Variants in MYO5A observed in about 807,000 individuals in gnomAD.
The protein encoded by MYO5A is myosin VA.
Under a neutral mutation model 249.7 loss-of-function variants are expected in MYO5A, and 98 were observed. The observed-to-expected ratio is 0.39, with a 90% CI of 0.33 to 0.46. The LOEUF is 0.46. MYO5A is among the 20% of genes least tolerant of loss of function. MYO5A has a pLI of 0.98. For missense variants in MYO5A, 1,696 were observed against 2,308.8 expected (o/e 0.73, Z 5.44); for synonymous variants, 778 against 810.6 (o/e 0.96, Z 0.68).
chr15:52,354,840 T>C (rs7178172), intron 25 of MYO5A, among the ~76,000 whole-genome samples: 147,198 of 150,628 alleles, frequency 0.98, 71,986 homozygotes, highest in Middle Eastern at 1. Flanking sequence ...GGCAGCAGAG[T>C]GAGACTCCAT....
intron 22 of MYO5A, among the ~76,000 whole-genome samples, chr15:52,368,339 G>A (rs2040917252): frequency 6.6e-6 from 1 of 152,160 alleles, no homozygotes; most frequent in African/African-American, 2.4e-5. Context: ...GCTTTCAGGA[G>A]AGGCTCTTGT....
chr15:52,446,014 A>G (rs907948045), intron 1 of MYO5A, among the ~76,000 whole-genome samples: 12 of 152,274 alleles, frequency 7.9e-5, no homozygotes, highest in Admixed American at 7.2e-4. Flanking sequence ...AGCTTTTGCA[A>G]GAGAGAAATC....
chr15:52,501,126 G>A (rs1815175), intron 1 of MYO5A, among the ~76,000 whole-genome samples: 1 of 151,658 alleles, frequency 6.6e-6, no homozygotes, highest in Non-Finnish European at 1.5e-5. Flanking sequence ...CCTCCCACCA[G>A]GCCCGGCTAA....
At chr15:52,455,281 A>T (rs2076095622) in intron 1 of MYO5A, among the ~76,000 whole-genome samples, 1 of 152,086 alleles carries the variant, frequency 6.6e-6, no homozygotes, top group South Asian at 2.1e-4. Context: ...GAAAACCTGA[A>T]CTAATAATGA....
chr15:52,423,252 AGAAAACAAT>A (rs1205885214), intron 4 of MYO5A, among the ~76,000 whole-genome samples: 1 of 152,188 alleles, frequency 6.6e-6, no homozygotes, highest in Non-Finnish European at 1.5e-5. Flanking sequence ...TTGTTTGACA[AGAAAACAAT>A]GGTAAGGCTG....
chr15:52,367,296 A>G (rs2040857875), intron 22 of MYO5A, among the ~76,000 whole-genome samples, 172 bp from the exon 23 acceptor site: 1 of 152,144 alleles, frequency 6.6e-6, no homozygotes, highest in Non-Finnish European at 1.5e-5. Context: ...CTCCCTCCCA[A>G]GAGCCTTCCT....
chr15:52,314,932 C>A (rs923760142), intron 40 of MYO5A, among the ~76,000 whole-genome samples: 4 of 151,990 alleles, frequency 2.6e-5, no homozygotes, highest in African/African-American at 2.4e-5. Flanking sequence ...GCTATTAACA[C>A]AAAATGAAAA....
intron 1 of MYO5A, among the ~76,000 whole-genome samples, chr15:52,433,565 C>T (rs578018390): frequency 4.0e-5 from 6 of 151,552 alleles, no homozygotes; most frequent in East Asian, 3.9e-4. Flanking sequence ...GAATTACAGG[C>T]GCCTGCCACC....
intron 24 of MYO5A, among the ~76,000 whole-genome samples, chr15:52,362,838 C>T (rs2040602228): frequency 1.3e-5 from 2 of 152,138 alleles, no homozygotes; most frequent in African/African-American, 4.8e-5. Context: ...CTAAAGAGAC[C>T]CATGACCTCC....
chr15:52,443,665 G>A (rs2075829712), intron 1 of MYO5A, among the ~76,000 whole-genome samples: 1 of 147,108 alleles, frequency 6.8e-6, no homozygotes, highest in Non-Finnish European at 1.5e-5. Context: ...CTGAGACTGG[G>A]CCACTGCACT....
intron 16 of MYO5A, 92 bp from the exon 17 acceptor site, chr15:52,380,000 A>C (rs765766202): frequency 3.2e-6 from 4 of 1,244,700 alleles, no homozygotes; most frequent in Non-Finnish European, 4.7e-6. Context: ...TTCTTTCGTA[A>C]GAGCAAAATG....
chr15:52,376,678 C>A lies in MYO5A; in HGVS notation c.2209-120G>T, dbSNP rs938203047. On this transcript the variant is annotated intron_variant, in intron 18 of 41. Transcript: ENST00000399233. Reference sequence around the variant, plus strand: ...ACTCTATTAGCTAAAACTTGGGCTACATCACAATTAACTAATGGAGCCAGA... The same window carrying A: ...ACTCTATTAGCTAAAACTTGGGCTAAATCACAATTAACTAATGGAGCCAGA... 25 of 946,422 alleles carry A rather than the reference C, an allele frequency of 2.6e-5. No homozygotes were observed. The African/African-American group carries it at 3.6e-4, about 14-fold the overall frequency. The allele number at this position is 946,422 out of a possible 1,614,324, so 58.6% of individuals were successfully genotyped here.
At chr15:52,472,634 C>T (rs998023213) in intron 1 of MYO5A, among the ~76,000 whole-genome samples, 5 of 152,120 alleles carry the variant, frequency 3.3e-5, no homozygotes, top group Non-Finnish European at 5.9e-5. Flanking sequence ...TGAGTGAGAA[C>T]ATGCAGTGTT....
At chr15:52,474,009 T>C (rs1422250124) in intron 1 of MYO5A, among the ~76,000 whole-genome samples, 5 of 152,220 alleles carry the variant, frequency 3.3e-5, no homozygotes, top group Non-Finnish European at 7.3e-5. Context: ...CGATATTGAT[T>C]CTTCCTATCC....
intron 1 of MYO5A, among the ~76,000 whole-genome samples, chr15:52,485,594 T>TA (rs559934130): frequency 1.7e-3 from 260 of 152,056 alleles, no homozygotes; most frequent in African/African-American, 5.8e-3. Flanking sequence ...TTTACCCTTT[T>TA]AAAAAAAAGA....
rs1466696738 is a variant in MYO5A at position 52,407,339 on chromosome 15, T to C, written c.899A>G (p.Asp300Gly). ...QGGSPVIEGVDDAKEMAHTRQ... is the reference protein window; with the variant it reads ...QGGSPVIEGVGDAKEMAHTRQ... ...AGTATGTGCCATCTCCTTTGCATCA[T>C]CCACTCCTTCAATCACAGGACTGCC... is the stretch of plus-strand genomic sequence containing the variant. The change falls in exon 8 of 42, where the codon GAT (aspartate) becomes GGT (glycine). Residue 300 changes from aspartate (D) to glycine (G), a missense_variant. By Grantham distance (94) the Asp-to-Gly change is moderately conservative. This residue lies in a region of MYO5A where 185 missense variants were observed against 204.8 expected (regional missense o/e 0.90). Coordinates refer to ENST00000399233, the MANE Select transcript of MYO5A (RefSeq NM_001382347.1). 5 of 1,613,654 alleles carry C rather than the reference T, an allele frequency of 3.1e-6. No individual in the cohort carries two copies. The highest frequency in any genetic ancestry group is 1.7e-5 in the Admixed American group (1 of 59,986).
chr15:52,355,036 G>A (rs28409760), intron 25 of MYO5A, among the ~76,000 whole-genome samples: 14,816 of 152,196 alleles, frequency 0.097, 2,242 homozygotes, highest in African/African-American at 0.33. Context: ...AAGGCCATCA[G>A]TGGTTATCTC....
At chr15:52,395,432 TA>T (rs958727682) in intron 11 of MYO5A, among the ~76,000 whole-genome samples, 47 of 152,298 alleles carry the variant, frequency 3.1e-4, no homozygotes, top group African/African-American at 1.1e-3. Context: ...GATGAGGATT[TA>T]TTAAGGGTGT....
intron 1 of MYO5A, among the ~76,000 whole-genome samples, chr15:52,462,830 A>G (rs1337440321): frequency 6.6e-6 from 1 of 151,644 alleles, no homozygotes; most frequent in East Asian, 1.9e-4. Context: ...CCTGGGCGAC[A>G]GCGAGAATCC....
Sources: gnomAD v4.1 joint callset for allele counts (sites outside exome capture counted in the v4.1 genomes callset) on GRCh38, gnomAD v4.1.1 for gene constraint, gnomAD v4.1.1 regional missense constraint, MANE v1.5 for transcripts, NCBI Gene and HGNC (gene_info 2026-07-23, HGNC 2026-07-21) for gene names.